Variants in FER observed in about 807,000 individuals in gnomAD.
FER encodes the protein tyrosine-protein kinase Fer.
A neutral mutation model predicts 111.0 loss-of-function variants in FER; 63 were observed. That is an observed-to-expected ratio of 0.57 (90% CI 0.46 to 0.70). The LOEUF is 0.70. Ranked by LOEUF, FER falls within the 30% of genes least tolerant of loss-of-function variation. The probability of loss-of-function intolerance (pLI) is 0.00; values close to 1 mark genes in which losing one functional copy is unlikely to be tolerated. For synonymous variants in FER, 327 were observed against 313.9 expected, an observed-to-expected ratio of 1.04 and a Z score of -0.44; for missense variants, 914 against 954.0, an observed-to-expected ratio of 0.96 and a Z score of 0.55.
intron 4 of FER, among the ~76,000 whole-genome samples, chr5:108,835,472 C>G (rs571305728): frequency 6.6e-6 from 1 of 152,108 alleles, no homozygotes; most frequent in East Asian, 1.9e-4. Flanking sequence ...CGTGAGCCAC[C>G]GTGCCTGGCC....
chr5:108,910,465 A>T lies in FER; in HGVS notation c.1236+12617A>T, dbSNP rs185733472. Among the ~76,000 whole-genome samples the T allele has an allele frequency of 1.8e-3, 277 of 151,942 alleles. 1 individual carries two copies. Among genetic ancestry groups the T allele is most frequent in the East Asian group, 7.7e-3 (40 of 5,164 alleles). The stretch of plus-strand genomic sequence containing the variant: ...TCTTTGGAAGGCTTTTACTTTTTTT[A>T]AAAAAAAGGTTTGTTTAAAAATTTA... On this transcript the variant is annotated intron_variant, in intron 10 of 19. Coordinates refer to ENST00000281092, the MANE Select transcript of FER (RefSeq NM_005246.4).
At chr5:109,056,084 T>C (rs1019828346) in intron 16 of FER, among the ~76,000 whole-genome samples, 2 of 152,068 alleles carry the variant, frequency 1.3e-5, no homozygotes, top group Non-Finnish European at 2.9e-5. Context: ...ATAACAAATA[T>C]TGGCAGGGGT....
At chr5:108,911,098 A>G (rs1315375398) in intron 10 of FER, among the ~76,000 whole-genome samples, 2 of 152,122 alleles carry the variant, frequency 1.3e-5, no homozygotes, top group Non-Finnish European at 2.9e-5. Flanking sequence ...ACAGTGCATA[A>G]CATTTTCTTT....
At chr5:108,765,364 A>C (rs563846306) in intron 1 of FER, among the ~76,000 whole-genome samples, 25 of 152,310 alleles carry the variant, frequency 1.6e-4, no homozygotes, top group African/African-American at 5.5e-4. Flanking sequence ...ATTATAGAAA[A>C]GACTGAGTTA....
intron 17 of FER, among the ~76,000 whole-genome samples, chr5:109,116,477 T>C (rs1190049950): frequency 6.6e-6 from 1 of 152,072 alleles, no homozygotes; most frequent in Non-Finnish European, 1.5e-5. Flanking sequence ...ATTGCTTCAT[T>C]TCTGTTTGAA....
intron 14 of FER, among the ~76,000 whole-genome samples, chr5:109,039,481 G>T (rs1050208362): frequency 6.6e-6 from 1 of 152,142 alleles, no homozygotes; most frequent in Non-Finnish European, 1.5e-5. Flanking sequence ...ATTTTATAAT[G>T]TTAGAGGGTG....
chr5:108,873,902 G>C (rs1232958538), intron 8 of FER, among the ~76,000 whole-genome samples: 1 of 152,140 alleles, frequency 6.6e-6, no homozygotes, highest in African/African-American at 2.4e-5. Context: ...CAATGGAGTT[G>C]AATGTATGGT....
intron 17 of FER, among the ~76,000 whole-genome samples, chr5:109,135,267 A>G (rs143207032): frequency 1.4e-4 from 21 of 152,294 alleles, no homozygotes; most frequent in Non-Finnish European, 2.8e-4. Context: ...TCGTTCACTT[A>G]ATCCTCACAA....
chr5:108,888,473 T>G (rs898074937), intron 9 of FER, among the ~76,000 whole-genome samples: 5 of 151,864 alleles, frequency 3.3e-5, no homozygotes, highest in Non-Finnish European at 5.9e-5. Flanking sequence ...GTCAGAGGTC[T>G]CCTAGGAGAT....
At position 108,835,789 on chromosome 5, in the gene FER, A is replaced by G; in HGVS notation, c.463A>G (p.Lys155Glu). 1 of 1,552,020 alleles carries G rather than the reference A, an allele frequency of 6.4e-7. No homozygotes were observed. Among genetic ancestry groups the G allele is most frequent in the Non-Finnish European group, 8.6e-7 (1 of 1,156,154 alleles). Residue 155 changes from lysine (K) to glutamate (E), a missense_variant, in exon 5 of 20, where the codon AAA (lysine) becomes GAA (glutamate). Coordinates refer to ENST00000281092, the MANE Select transcript of FER (RefSeq NM_005246.4). The stretch of plus-strand genomic sequence containing the variant: ...AATGAATTCTGCCAAAGAGAAATAT[A>G]AAGAAGCTTTAGCTAAAGGTAAGGC... Reference protein sequence around the residue: ...KEMNSAKEKYKEALAKGKETE... With the variant: ...KEMNSAKEKYEEALAKGKETE...
intron 13 of FER, among the ~76,000 whole-genome samples, chr5:108,990,406 T>C (rs1763028233): frequency 6.6e-6 from 1 of 151,870 alleles, no homozygotes; most frequent in African/African-American, 2.4e-5. Flanking sequence ...TATCAATATT[T>C]CAGCTTAGAA....
At chr5:109,029,245 C>CTTTTTTT (rs367692424) in intron 13 of FER, among the ~76,000 whole-genome samples, 1 of 125,914 alleles carries the variant, frequency 7.9e-6, no homozygotes, top group Non-Finnish European at 1.7e-5. Context: ...TTCTTCTTAC[C>CTTTTTTT]TTTTTTTTTT....
intron 11 of FER, among the ~76,000 whole-genome samples, chr5:108,950,204 G>A (rs1248461997): frequency 6.6e-6 from 1 of 152,098 alleles, no homozygotes; most frequent in Non-Finnish European, 1.5e-5. Context: ...TGGCTTAGTT[G>A]TCTATTTTTG....
intron 16 of FER, among the ~76,000 whole-genome samples, chr5:109,079,355 C>T (rs1414293328): frequency 6.6e-6 from 1 of 152,050 alleles, no homozygotes; most frequent in Non-Finnish European, 1.5e-5. Context: ...AAAACACCTT[C>T]CTCTCTGTTG....
chr5:109,026,700 TTTG>T (rs565350814), intron 13 of FER, among the ~76,000 whole-genome samples: 9 of 152,142 alleles, frequency 5.9e-5, no homozygotes, highest in Non-Finnish European at 1.2e-4. Flanking sequence ...TTCTTTCTTT[TTTG>T]TTGTTGTTGT....
At chr5:109,154,235 C>T (rs1755136203) in intron 17 of FER, among the ~76,000 whole-genome samples, 2 of 151,842 alleles carry the variant, frequency 1.3e-5, no homozygotes, top group Non-Finnish European at 2.9e-5. Flanking sequence ...CAGTTACAAA[C>T]CTTTACCAGA....
chr5:108,844,791 C>A (rs957380914), intron 5 of FER, among the ~76,000 whole-genome samples: 1 of 151,308 alleles, frequency 6.6e-6, no homozygotes, highest in Non-Finnish European at 1.5e-5. Context: ...TTAATTTGTT[C>A]AGAATAGTTA....
intron 13 of FER, among the ~76,000 whole-genome samples, chr5:109,017,222 A>C (rs900348827): frequency 2.6e-5 from 4 of 152,008 alleles, no homozygotes; most frequent in African/African-American, 7.2e-5. Context: ...TGCAGGGCTA[A>C]TGAGGGGCTA....
intron 3 of FER, among the ~76,000 whole-genome samples, chr5:108,823,787 C>T (rs566039167): frequency 1.8e-4 from 27 of 152,192 alleles, no homozygotes; most frequent in African/African-American, 5.5e-4. Context: ...TTGGTGCAGT[C>T]TCACTTGTTT....
Sources: allele counts gnomAD v4.1 joint callset (sites outside exome capture counted in the v4.1 genomes callset), GRCh38; gene constraint gnomAD v4.1.1; transcripts MANE v1.5; gene names NCBI Gene and HGNC (gene_info 2026-07-23, HGNC 2026-07-21).